The following BAZ1A variants were observed in gnomAD, a reference collection of about 807,000 sequenced individuals.
The protein encoded by BAZ1A is bromodomain adjacent to zinc finger domain protein 1A.
BAZ1A carries 50 observed loss-of-function variants against 185.2 expected under a neutral mutation model. The ratio of observed to expected loss-of-function variants is 0.27; its 90% confidence interval spans 0.22 to 0.34. The LOEUF (loss-of-function observed/expected upper bound fraction) is 0.34, where lower values mean the gene tolerates loss of function less well. BAZ1A is among the 10% of genes least tolerant of loss of function. BAZ1A has a pLI of 1.00. For synonymous variants in BAZ1A, 571 were observed against 615.6 expected, an observed-to-expected ratio of 0.93 and a Z score of 1.07; for missense variants, 1,356 against 1,839.9, an observed-to-expected ratio of 0.74 and a Z score of 4.81.
rs1226991388 is a variant in BAZ1A at position 34,815,997 on chromosome 14, C to CGA, written c.537-4963_537-4962dup. Among the ~76,000 whole-genome samples, 35 of 150,616 alleles carry CGA rather than the reference C, an allele frequency of 2.3e-4. 1 individual carries two copies. Among genetic ancestry groups the CGA allele is most frequent in the Non-Finnish European group, 1.5e-5 (1 of 67,894 alleles). ...ACTCAGATTTCATTTATCTTACTAA[C>CGA]GATTAGTCAAGTTATAATGACGGCT... On this transcript the variant is annotated intron_variant, in intron 4 of 26. Coordinates refer to ENST00000360310, the MANE Select transcript of BAZ1A (RefSeq NM_013448.3).
In BAZ1A at chr14:34,874,258, A is replaced by AC. The variant is rs5807801; in HGVS notation, c.113+233dup. 280,603 of 483,112 alleles carry AC rather than the reference A, an allele frequency of 0.58. 84,537 individuals carry two copies. The highest frequency in any genetic ancestry group is 0.64 in the Non-Finnish European group (173,480 of 270,884). 29.9% of individuals were successfully genotyped at this position (483,112 alleles called of 1,614,324 possible). A position where few individuals can be genotyped will look rare whatever the true frequency, so the allele number is the denominator to read the frequency against. On this transcript the variant is annotated intron_variant, in intron 2 of 26. Transcript: ENST00000360310. This position sits in a 1 kb window ranked among gnomAD's most constrained non-coding sequence, Gnocchi z 4.7. ...GAGCGGTCCCCGAGGCCGGCCAGGG[A>AC]CCCAGCCTCCTCCGCCACTACCAAC...
At chr14:34,791,494 TA>T (rs1880844306) in intron 12 of BAZ1A, among the ~76,000 whole-genome samples, 1 of 152,194 alleles carries the variant, frequency 6.6e-6, no homozygotes, top group Non-Finnish European at 1.5e-5. Flanking sequence ...AAGCTAGATA[TA>T]AATATATTTT....
intron 6 of BAZ1A, 35 bp downstream of exon 6, chr14:34,807,414 TTC>T (rs749579463): frequency 6.8e-7 from 1 of 1,480,116 alleles, no homozygotes; most frequent in East Asian, 2.3e-5. Context: ...CCATTTTGTT[TTC>T]TGTCTTCCAA....
At chr14:34,861,954 A>C (rs2042775501) in intron 3 of BAZ1A, 90 bp downstream of exon 3, 1 of 1,421,598 alleles carries the variant, frequency 7.0e-7, no homozygotes, top group East Asian at 2.3e-5. Flanking sequence ...AGTAAAAGGG[A>C]AGATTTCCTT....
intron 17 of BAZ1A, among the ~76,000 whole-genome samples, chr14:34,779,096 T>C (rs1879866988): frequency 6.6e-6 from 1 of 152,112 alleles, no homozygotes; most frequent in Non-Finnish European, 1.5e-5. Context: ...GCAATCCACC[T>C]ACCTTGGCCT....
In BAZ1A at chr14:34,801,193, C is replaced by T. The variant is rs769765169; in HGVS notation, c.862G>A (p.Glu288Lys). 2.5e-6 allele frequency: 4 copies of T among 1,597,256 alleles called. No individual in the cohort carries two copies. Among genetic ancestry groups the T allele is most frequent in the Non-Finnish European group, 3.4e-6 (4 of 1,173,064 alleles). The change falls in exon 8 of 27, where the codon GAG (glutamate) becomes AAG (lysine). Residue 288 changes from glutamate to lysine, a missense_variant and splice_region_variant. By Grantham distance (56) the Glu-to-Lys change is moderately conservative. Transcript: ENST00000360310. ...RPPKRIHISQ[E>K]DNVANKQTLA... Reference sequence around the variant, plus strand: ...GTCTGTTTATTAGCAACATTGTCCTCCTAAAAAACAAACCAAAATAGTATG... The same window carrying T: ...GTCTGTTTATTAGCAACATTGTCCTTCTAAAAAACAAACCAAAATAGTATG...
chr14:34,798,890 A>G (rs996431366), intron 9 of BAZ1A, among the ~76,000 whole-genome samples: 1 of 152,172 alleles, frequency 6.6e-6, no homozygotes, highest in Non-Finnish European at 1.5e-5. Context: ...CTGGGTATAT[A>G]CCCAAAGGAT....
chr14:34,832,709 T>C (rs1212352858), intron 3 of BAZ1A, among the ~76,000 whole-genome samples: 1 of 152,122 alleles, frequency 6.6e-6, no homozygotes, highest in Non-Finnish European at 1.5e-5. Flanking sequence ...CACTAGTGCA[T>C]TGCTGGTGGG....
Position 34,844,324 on chromosome 14 carries a change from G to A in BAZ1A, c.392+17720C>T, listed in dbSNP as rs200309725. Among the ~76,000 whole-genome samples, 7 of 151,958 alleles carry A rather than the reference G, an allele frequency of 4.6e-5. No individual in the cohort carries two copies. In the East Asian group the frequency reaches 1.2e-3, roughly 25 times the overall value. On this transcript the variant is annotated intron_variant, in intron 3 of 26. Transcript: ENST00000360310. ...ACTTAGGAATAAATTTAACCAAAGA[G>A]GTGAAAGACTTGTACACTGAAAACT...
chr14:34,774,120 T>TA (rs1212188557), intron 19 of BAZ1A, among the ~76,000 whole-genome samples: 8 of 152,144 alleles, frequency 5.3e-5, no homozygotes, highest in Admixed American at 4.6e-4. Flanking sequence ...AAGAAGAAAA[T>TA]ATCCTTACGC....
intron 3 of BAZ1A, among the ~76,000 whole-genome samples, chr14:34,841,948 T>C (rs1490617019): frequency 6.6e-6 from 1 of 152,180 alleles, no homozygotes; most frequent in Non-Finnish European, 1.5e-5. Flanking sequence ...AGTTTTATTT[T>C]AAAAAATTTT....
At chr14:34,838,776 C>T (rs780007046) in intron 3 of BAZ1A, among the ~76,000 whole-genome samples, 5 of 152,044 alleles carry the variant, frequency 3.3e-5, no homozygotes, top group Admixed American at 2.0e-4. Flanking sequence ...CCACCCACCT[C>T]GGCCTCCCAA....
At chr14:34,753,991 G>A (rs566272485) in intron 26 of BAZ1A, among the ~76,000 whole-genome samples, 3 of 151,818 alleles carry the variant, frequency 2.0e-5, no homozygotes, top group Admixed American at 6.6e-5. Flanking sequence ...GGTGGTTCAA[G>A]CCTGTAATCC....
At chr14:34,810,022 C>T (rs1355215628) in intron 5 of BAZ1A, among the ~76,000 whole-genome samples, 1 of 152,098 alleles carries the variant, frequency 6.6e-6, no homozygotes, top group Non-Finnish European at 1.5e-5. Context: ...AACCAACCAA[C>T]CAACAAACCA....
chr14:34,792,474 T>C (rs1594845491), intron 12 of BAZ1A, among the ~76,000 whole-genome samples: 1 of 152,164 alleles, frequency 6.6e-6, no homozygotes, highest in East Asian at 1.9e-4. Flanking sequence ...GCAGAATCTC[T>C]TGGAATTACA....
intron 3 of BAZ1A, among the ~76,000 whole-genome samples, chr14:34,828,293 C>CAAAAA (rs369878009): frequency 1.4e-4 from 12 of 83,510 alleles, no homozygotes; most frequent in South Asian, 9.5e-4. Flanking sequence ...AACTCCGTCT[C>CAAAAA]AAAAAAAAAA....
chr14:34,808,338 A>G (rs2041879661), intron 5 of BAZ1A, among the ~76,000 whole-genome samples: 4 of 151,810 alleles, frequency 2.6e-5, no homozygotes, highest in Non-Finnish European at 5.9e-5. Flanking sequence ...TACTAAAAAT[A>G]CAAAAAAAAT....
intron 3 of BAZ1A, 71 bp from the exon 4 acceptor site, chr14:34,826,227 G>C: frequency 6.7e-7 from 1 of 1,491,366 alleles, no homozygotes; most frequent in Non-Finnish European, 9.1e-7. Context: ...CAGAGCAATC[G>C]AATTGTTTTG....
chr14:34,853,233 G>A lies in BAZ1A; in HGVS notation c.392+8811C>T, dbSNP rs79890166. On this transcript the variant is annotated intron_variant, in intron 3 of 26. Transcript: ENST00000360310. Reference sequence around the variant, plus strand: ...TCCTGTAGGCTCTAAGGAAGTAGCAGAGAACAAATGTCAGTGCATTTGGCA... The same window carrying A: ...TCCTGTAGGCTCTAAGGAAGTAGCAAAGAACAAATGTCAGTGCATTTGGCA... 6.1e-3 allele frequency among the ~76,000 whole-genome samples: 936 copies of A among 152,308 alleles called. 17 individuals carry two copies. The highest frequency in any genetic ancestry group is 0.022 in the African/African-American group (904 of 41,564).
Sources: gnomAD v4.1 joint callset for allele counts (sites outside exome capture counted in the v4.1 genomes callset) on GRCh38, gnomAD v4.1.1 for gene constraint, Gnocchi (gnomAD v3.1) non-coding constraint, MANE v1.5 for transcripts, NCBI Gene and HGNC (gene_info 2026-07-23, HGNC 2026-07-21) for gene names.